The following PRELID2 variants were observed in gnomAD, a reference collection of about 807,000 sequenced individuals.
The protein encoded by PRELID2 is PRELI domain containing 2, also known as PRELI domain-containing protein 2.
In PRELID2, 25 loss-of-function variants were observed where a neutral mutation model predicts 28.4. That is an observed-to-expected ratio of 0.88 (90% CI 0.64 to 1.23). The LOEUF is 1.23. Ranked by LOEUF, PRELID2 falls within the 50% of genes most tolerant of loss-of-function variation. The pLI is 0.00. For synonymous variants in PRELID2, 76 were observed against 71.6 expected (o/e 1.06, Z -0.31); for missense variants, 201 against 214.4 (o/e 0.94, Z 0.39).
chr5:145,636,522 A>T (rs77593542), intron 1 of PRELID2, among the ~76,000 whole-genome samples: 217 of 152,336 alleles, frequency 1.4e-3, no homozygotes, highest in East Asian at 0.013. Context: ...GCATCTGGGT[A>T]TTTGTCCCAA....
At chr5:145,582,723 A>G (rs1753117672) in intron 1 of PRELID2, among the ~76,000 whole-genome samples, 2 of 152,130 alleles carry the variant, frequency 1.3e-5, no homozygotes, top group African/African-American at 4.8e-5. Flanking sequence ...CCAGACACAC[A>G]CACTCTCCCA....
the PRELID2 span, among the ~76,000 whole-genome samples, chr5:145,375,681 G>T: frequency 1.9e-4 from 29 of 152,158 alleles, no homozygotes; most frequent in Admixed American, 3.3e-4. Context: ...TGGAGTTAAT[G>T]GAGTTCCTTC....
intron 1 of PRELID2, among the ~76,000 whole-genome samples, chr5:145,734,973 G>A (rs985864548): frequency 9.2e-5 from 14 of 152,160 alleles, no homozygotes; most frequent in Admixed American, 7.9e-4. Flanking sequence ...ACAGCTGGGC[G>A]CAGTGGCTCA....
intron 1 of PRELID2, among the ~76,000 whole-genome samples, chr5:145,490,413 G>A (rs970033172): frequency 1.3e-5 from 2 of 152,098 alleles, no homozygotes. Context: ...TGGATGTATT[G>A]ATTACTTCTT....
At chr5:145,455,221 C>G in the PRELID2 span, among the ~76,000 whole-genome samples, 1 of 152,108 alleles carries the variant, frequency 6.6e-6, no homozygotes, top group Admixed American at 6.6e-5. Flanking sequence ...ATCCTTTCCC[C>G]ACTGCATGTT....
chr5:145,371,971 T>C, the PRELID2 span, among the ~76,000 whole-genome samples: 3 of 151,918 alleles, frequency 2.0e-5, no homozygotes, highest in African/African-American at 7.2e-5. Flanking sequence ...CTCTTAGTTA[T>C]TTCTTGTCTT....
At chr5:145,714,981 G>T (rs1458035282) in intron 1 of PRELID2, among the ~76,000 whole-genome samples, 1 of 151,900 alleles carries the variant, frequency 6.6e-6, no homozygotes, top group Non-Finnish European at 1.5e-5. Context: ...CTTAATCCTA[G>T]ACCTCTTTCT....
intron 1 of PRELID2, chr5:145,704,266 G>T (rs1755483002): frequency 6.6e-6 from 1 of 152,158 alleles, no homozygotes; most frequent in African/African-American, 2.4e-5. Flanking sequence ...TCCAAAATTT[G>T]CATCTGTCCA....
intron 1 of PRELID2, chr5:145,826,032 T>A (rs1755170094): frequency 1.3e-5 from 13 of 985,284 alleles, no homozygotes; most frequent in Middle Eastern, 5.2e-4. Flanking sequence ...CAGGTTTTTC[T>A]GGACACCTTT....
the PRELID2 span, among the ~76,000 whole-genome samples, chr5:145,351,311 A>G: frequency 1.3e-5 from 2 of 152,162 alleles, no homozygotes; most frequent in Non-Finnish European, 2.9e-5. Context: ...ATGGTTGGGG[A>G]GGCCTCAAGA....
In PRELID2 at chr5:145,818,027, G is replaced by C. The variant is rs1754495165; in HGVS notation, c.235C>G (p.Gln79Glu). ...KVSILKVPNI[Q>E]LEEESWLNPR... ...TTGAGCCATGACTCCTCTTCTAATT[G>C]GATATTAGGTACTTTCAAAATGCTC... Residue 79 changes from glutamine (Q) to glutamate (E), a missense_variant, in exon 4 of 7, where the codon CAA becomes GAA. Transcript: ENST00000683046. The C allele has an allele frequency of 2.5e-6, 4 of 1,611,786 alleles. No individual in the cohort carries two copies. The highest frequency in any genetic ancestry group is 3.4e-6 in the Non-Finnish European group (4 of 1,178,962).
At chr5:145,540,790 G>A (rs1020196140) in intron 1 of PRELID2, among the ~76,000 whole-genome samples, 1 of 151,560 alleles carries the variant, frequency 6.6e-6, no homozygotes, top group African/African-American at 2.4e-5. Flanking sequence ...TATGGATTAT[G>A]CTTGAAACCA....
At chr5:145,417,100 C>A in the PRELID2 span, among the ~76,000 whole-genome samples, 20 of 152,016 alleles carry the variant, frequency 1.3e-4, no homozygotes, top group Admixed American at 1.3e-3. Context: ...AGAAATACAA[C>A]CATTAGGGAA....
chr5:145,240,961 C>T, the PRELID2 span, among the ~76,000 whole-genome samples: 1 of 152,040 alleles, frequency 6.6e-6, no homozygotes, highest in East Asian at 1.9e-4. Context: ...CTCAGCTGTT[C>T]ACTAGCTCTA....
At chr5:145,729,161 G>A (rs1581106892) in intron 1 of PRELID2, 2 of 641,706 alleles carry the variant, frequency 3.1e-6, no homozygotes, top group East Asian at 5.4e-5. Context: ...CTTTTGTCAA[G>A]TCCTTCAAAG....
intron 1 of PRELID2, among the ~76,000 whole-genome samples, chr5:145,717,522 T>C (rs2400195): frequency 6.6e-6 from 1 of 151,988 alleles, no homozygotes; most frequent in African/African-American, 2.4e-5. Context: ...GATAAAACGA[T>C]GCACAGAAAA....
chr5:145,403,307 G>A, the PRELID2 span, among the ~76,000 whole-genome samples: 3 of 152,174 alleles, frequency 2.0e-5, no homozygotes, highest in Non-Finnish European at 4.4e-5. Flanking sequence ...GGAGACTGAG[G>A]TGGGAAGATA....
intron 1 of PRELID2, among the ~76,000 whole-genome samples, chr5:145,595,716 T>C (rs1401833019): frequency 6.6e-6 from 1 of 152,192 alleles, no homozygotes; most frequent in Non-Finnish European, 1.5e-5. Context: ...TCAAAGTCTG[T>C]GCCCTCCCTA....
chr5:145,496,638 C>A (rs1362685340), intron 1 of PRELID2, among the ~76,000 whole-genome samples: 1 of 152,104 alleles, frequency 6.6e-6, no homozygotes, highest in African/African-American at 2.4e-5. Flanking sequence ...CCTGAATAGC[C>A]TACTCTTGCT....
Sources: gnomAD v4.1 joint callset for allele counts (sites outside exome capture counted in the v4.1 genomes callset) on GRCh38, gnomAD v4.1.1 for gene constraint, MANE v1.5 for transcripts, NCBI Gene and HGNC (gene_info 2026-07-23, HGNC 2026-07-21) for gene names.